The following RABEP1 variants were observed in gnomAD, a reference collection of about 807,000 sequenced individuals.
RABEP1 encodes the protein rabaptin, RAB GTPase binding effector protein 1, also known as rab GTPase-binding effector protein 1.
In RABEP1, 51 loss-of-function variants were observed where a neutral mutation model predicts 123.4. The ratio of observed to expected loss-of-function variants is 0.41; its 90% CI spans 0.33 to 0.52. The LOEUF (loss-of-function observed/expected upper bound fraction) is 0.52. Among genes scored for constraint, RABEP1 ranks in the 20% least tolerant of loss-of-function variants. RABEP1 has a pLI of 0.16. For missense variants in RABEP1, 888 were observed against 996.3 expected (o/e 0.89, Z 1.46); for synonymous variants, 347 against 355.2 (o/e 0.98, Z 0.26).
At chr17:5,299,507 G>A (rs189729807) in intron 1 of RABEP1, among the ~76,000 whole-genome samples, 1 of 151,556 alleles carries the variant, frequency 6.6e-6, no homozygotes, top group Non-Finnish European at 1.5e-5. Flanking sequence ...TTTTGGTACT[G>A]AGCGGTAAGC....
chr17:5,307,047 G>T (rs113197811), intron 1 of RABEP1, among the ~76,000 whole-genome samples: 2 of 152,192 alleles, frequency 1.3e-5, no homozygotes, highest in Non-Finnish European at 2.9e-5. Flanking sequence ...GGCCAGGTGC[G>T]GTGGCTTATG....
intron 1 of RABEP1, among the ~76,000 whole-genome samples, chr17:5,301,686 C>T (rs2075136229): frequency 6.6e-6 from 1 of 151,942 alleles, no homozygotes; most frequent in South Asian, 2.1e-4. Context: ...GCATACCAAA[C>T]TTAGAGTAAT....
chr17:5,368,713 A>G (rs1176784082), intron 12 of RABEP1, among the ~76,000 whole-genome samples: 1 of 152,198 alleles, frequency 6.6e-6, no homozygotes, highest in Non-Finnish European at 1.5e-5. Flanking sequence ...GATTTGGGAA[A>G]CCTAAACAGA....
chr17:5,373,319 G>C lies in RABEP1; in HGVS notation c.1890G>C (p.Val630=). 6.2e-7 allele frequency: 1 copy of C among 1,613,074 alleles called. No individual in the cohort carries two copies. Among genetic ancestry groups the C allele is most frequent in the Non-Finnish European group, 8.5e-7 (1 of 1,179,690 alleles). The change falls in exon 13 of 18, where the codon GTG becomes GTC. Residue 630 remains valine (V), a synonymous_variant. Coordinates refer to ENST00000537505, the MANE Select transcript of RABEP1 (RefSeq NM_004703.6). ...AKRDVQEQMA[V]LMQSREQVSE... The stretch of plus-strand genomic sequence containing the variant: ...AGTATCTACTTCTATTTTAGGCGGT[G>C]CTGATGCAGTCACGGGAACAGGTTT...
At chr17:5,282,743 C>T (rs1000526206) in intron 1 of RABEP1, among the ~76,000 whole-genome samples, 1 of 142,972 alleles carries the variant, frequency 7.0e-6, no homozygotes, top group African/African-American at 2.6e-5. Context: ...GCAGCGCTTG[C>T]GGGAGGGCAG....
At chr17:5,304,750 A>T (rs895427537) in intron 1 of RABEP1, among the ~76,000 whole-genome samples, 3 of 152,192 alleles carry the variant, frequency 2.0e-5, no homozygotes, top group Non-Finnish European at 4.4e-5. Flanking sequence ...GAAGGCTGGC[A>T]TTACAGTAAT....
At chr17:5,348,782 C>T (rs546807959) in intron 6 of RABEP1, among the ~76,000 whole-genome samples, 3 of 152,140 alleles carry the variant, frequency 2.0e-5, no homozygotes, top group South Asian at 2.1e-4. Context: ...AGGATGGTCT[C>T]GATCCCCTGA....
At chr17:5,285,169 A>G (rs931401773) in intron 1 of RABEP1, among the ~76,000 whole-genome samples, 2 of 152,184 alleles carry the variant, frequency 1.3e-5, no homozygotes, top group African/African-American at 4.8e-5. Context: ...TAATAGTTAA[A>G]GAAATTTCAG....
intron 8 of RABEP1, 200 bp from the exon 9 acceptor site, chr17:5,361,008 T>G (rs996883699): frequency 3.4e-6 from 2 of 583,874 alleles, no homozygotes; most frequent in African/African-American, 3.7e-5. Flanking sequence ...GGATTATATC[T>G]TGCTCACAGT....
chr17:5,292,021 A>G (rs2075038451), intron 1 of RABEP1, among the ~76,000 whole-genome samples: 1 of 152,218 alleles, frequency 6.6e-6, no homozygotes, highest in Non-Finnish European at 1.5e-5. Context: ...ATTCTCGTAC[A>G]TTAATCTTTG....
At position 5,304,088 on chromosome 17, in the gene RABEP1, G is replaced by A. The variant is rs185041627; in HGVS notation, c.35-4606G>A. On this transcript the variant is annotated intron_variant, in intron 1 of 17. Transcript: ENST00000537505. The stretch of plus-strand genomic sequence containing the variant: ...ATATTGTTTTACTTGTAAGAGGAAC[G>A]TAGTAGTAGGACACAGCTTGAGTCT... Among the ~76,000 whole-genome samples the A allele has an allele frequency of 7.2e-5, 11 of 152,030 alleles. No individual in the cohort carries two copies. In the East Asian group the frequency reaches 1.5e-3, roughly 21 times the overall value.
rs565108986 is a variant in RABEP1 at position 5,372,842 on chromosome 17, G to A, written c.1885-472G>A. Among the ~76,000 whole-genome samples, 24 of 151,784 alleles carry A rather than the reference G, an allele frequency of 1.6e-4. No individual in the cohort carries two copies. The East Asian group carries it at 3.5e-3, about 22-fold the overall frequency. On this transcript the variant is annotated intron_variant, in intron 12 of 17. Coordinates refer to ENST00000537505, the MANE Select transcript of RABEP1 (RefSeq NM_004703.6). ...GCAATCTCGGCTCACTGCAACCTCC[G>A]CCTCCTGGGTTCAAGCGATTCTCCG...
chr17:5,309,820 G>A (rs1474594974), intron 2 of RABEP1, among the ~76,000 whole-genome samples: 4 of 152,174 alleles, frequency 2.6e-5, no homozygotes, highest in Admixed American at 2.6e-4. Context: ...TTCTCAAAGT[G>A]TGATTGTGGA....
chr17:5,282,385 C>T lies in RABEP1; in HGVS notation c.-102C>T. On this transcript the variant is annotated 5_prime_UTR_variant, in exon 1 of 18. Transcript: ENST00000537505. ...TTAGCGGTTTCTCTCTGGGCGGCGG[C>T]GGCGGCGGCTCGGTTGACGCCTCCT... 5.2e-6 allele frequency: 5 copies of T among 957,714 alleles called. No individual in the cohort carries two copies. The highest frequency in any genetic ancestry group is 2.9e-5 in the South Asian group (1 of 35,034). 59.3% of individuals were successfully genotyped at this position (957,714 alleles called of 1,614,324 possible). A position where few individuals can be genotyped will look rare whatever the true frequency, so the allele number is the denominator to read the frequency against.
chr17:5,356,473 C>T (rs1435402676), intron 8 of RABEP1: 1 of 167,606 alleles, frequency 6.0e-6, no homozygotes, highest in Non-Finnish European at 1.3e-5. Flanking sequence ...TTTCTCTCTA[C>T]AAAATGTTCA....
chr17:5,336,601 G>C (rs1907113361), intron 4 of RABEP1: 2 of 396,238 alleles, frequency 5.0e-6, no homozygotes, highest in Non-Finnish European at 9.5e-6. Context: ...ATTTTTTAAA[G>C]TGCTTTTTAA....
intron 8 of RABEP1, among the ~76,000 whole-genome samples, chr17:5,357,884 G>A (rs1339311474): frequency 2.0e-5 from 3 of 152,178 alleles, no homozygotes; most frequent in Non-Finnish European, 4.4e-5. Context: ...GTTTCTTTGG[G>A]AAAAGCAAAG....
intron 2 of RABEP1, among the ~76,000 whole-genome samples, chr17:5,322,408 A>G (rs1356186605): frequency 6.6e-6 from 1 of 152,158 alleles, no homozygotes; most frequent in African/African-American, 2.4e-5. Context: ...GTCATATAAT[A>G]ATAAAGGGGT....
intron 13 of RABEP1, among the ~76,000 whole-genome samples, chr17:5,375,181 A>G (rs1271829471): frequency 6.7e-6 from 1 of 149,316 alleles, no homozygotes; most frequent in Non-Finnish European, 1.5e-5. Flanking sequence ...TTCAATCTCT[A>G]TAATTTGGAC....
Sources: allele counts gnomAD v4.1 joint callset (sites outside exome capture counted in the v4.1 genomes callset), GRCh38; gene constraint gnomAD v4.1.1; transcripts MANE v1.5; gene names NCBI Gene and HGNC (gene_info 2026-07-23, HGNC 2026-07-21).